Variants in APPL2 observed in about 807,000 individuals in gnomAD.
The protein encoded by APPL2 is adaptor protein, phosphotyrosine interacting with PH domain and leucine zipper 2, also known as DCC-interacting protein 13-beta.
APPL2 carries 84 observed loss-of-function variants against 92.7 expected under a neutral mutation model. That is an observed-to-expected ratio of 0.91 (90% CI 0.76 to 1.09). The LOEUF (loss-of-function observed/expected upper bound fraction) is 1.09. Among genes scored for constraint, APPL2 ranks in the 50% least tolerant of loss-of-function variants. APPL2 has a pLI of 0.00. For missense variants in APPL2, 736 were observed against 824.5 expected, an observed-to-expected ratio of 0.89 and a Z score of 1.31; for synonymous variants, 291 against 291.0, an observed-to-expected ratio of 1.00 and a Z score of 0.00.
intron 6 of APPL2, 22 bp from the exon 7 acceptor site, chr12:105,208,051 AAC>A: frequency 6.2e-7 from 1 of 1,614,074 alleles, no homozygotes; most frequent in Non-Finnish European, 8.5e-7. Flanking sequence ...CAGACATCTG[AAC>A]ACCCAGGAGG....
intron 10 of APPL2, among the ~76,000 whole-genome samples, chr12:105,198,747 G>T (rs769636813): frequency 6.6e-6 from 1 of 152,188 alleles, no homozygotes; most frequent in Non-Finnish European, 1.5e-5. Flanking sequence ...ATCTAACTTC[G>T]TAAAGCAGGT....
At chr12:105,196,409 T>C (rs945179627) in intron 11 of APPL2, among the ~76,000 whole-genome samples, 2 of 148,888 alleles carry the variant, frequency 1.3e-5, no homozygotes, top group African/African-American at 2.5e-5. Context: ...GCCCTACCTT[T>C]GTGGAGGCGT....
chr12:105,236,142 GCGTC>G lies in APPL2; in HGVS notation c.-134_-131del. The G allele has an allele frequency of 2.6e-6, 1 of 390,532 alleles. No individual in the cohort carries two copies. The highest frequency in any genetic ancestry group is 3.5e-6 in the Non-Finnish European group (1 of 286,768). 24.2% of individuals were successfully genotyped at this position (390,532 alleles called of 1,614,324 possible). On this transcript the variant is annotated 5_prime_UTR_variant, in exon 1 of 21. Transcript: ENST00000258530. ...CTCCGTGCCCGCGGCGGCCCCGCGC[GCGTC>G]CACGCCTGGCCAGTGGCCGCCGCCG...
At chr12:105,203,332 T>C in intron 9 of APPL2, 1 of 202,122 alleles carries the variant, frequency 4.9e-6, no homozygotes, top group East Asian at 1.2e-4. Context: ...CTCCTTTACC[T>C]ATTATAAATT....
At chr12:105,208,905 C>G (rs1432878528) in intron 5 of APPL2, among the ~76,000 whole-genome samples, 1 of 152,200 alleles carries the variant, frequency 6.6e-6, no homozygotes, top group Non-Finnish European at 1.5e-5. Flanking sequence ...CTACAACAAT[C>G]CATTTTCATT....
chr12:105,189,915 TTGG>T, intron 15 of APPL2, 73 bp downstream of exon 15: 1 of 1,611,066 alleles, frequency 6.2e-7, no homozygotes, highest in Non-Finnish European at 8.5e-7. Context: ...GCAACAGTCT[TTGG>T]TGGTGGAGGG....
At chr12:105,233,614 T>C (rs1333952532) in intron 1 of APPL2, among the ~76,000 whole-genome samples, 2 of 152,256 alleles carry the variant, frequency 1.3e-5, no homozygotes, top group African/African-American at 4.8e-5. Context: ...AGATGGTTTA[T>C]TAGGATCTTT....
chr12:105,191,709 C>T (rs191273552), intron 14 of APPL2, among the ~76,000 whole-genome samples: 39 of 152,304 alleles, frequency 2.6e-4, no homozygotes, highest in African/African-American at 8.7e-4. Flanking sequence ...ATGGACACTT[C>T]GCAGTCATCA....
intron 10 of APPL2, among the ~76,000 whole-genome samples, chr12:105,198,377 C>T (rs962447519): frequency 6.6e-6 from 1 of 152,198 alleles, no homozygotes; most frequent in African/African-American, 2.4e-5. Flanking sequence ...TCTCAACAGA[C>T]TGGATTTTGC....
intron 1 of APPL2, among the ~76,000 whole-genome samples, chr12:105,231,992 C>T (rs372127337): frequency 6.6e-6 from 1 of 152,142 alleles, no homozygotes; most frequent in East Asian, 1.9e-4. Context: ...CAAAATCCCA[C>T]GGTCAGAAAG....
intron 3 of APPL2, 93 bp from the exon 4 acceptor site, chr12:105,217,233 C>A: frequency 1.3e-6 from 1 of 767,434 alleles, no homozygotes; most frequent in South Asian, 1.8e-5. Flanking sequence ...TCCACACCGA[C>A]GTCCTTTCTT....
intron 4 of APPL2, among the ~76,000 whole-genome samples, chr12:105,214,964 G>A (rs1432441826): frequency 1.3e-5 from 2 of 152,206 alleles, no homozygotes; most frequent in Non-Finnish European, 2.9e-5. Flanking sequence ...AGCCCAGAGG[G>A]GTGACGTCCC....
At chr12:105,217,764 A>G (rs1889807056) in intron 2 of APPL2, 39 bp from the exon 3 acceptor site, 1 of 1,590,300 alleles carries the variant, frequency 6.3e-7, no homozygotes, top group South Asian at 1.1e-5. Flanking sequence ...GATTAGTCCA[A>G]TGTATACATA....
chr12:105,184,561 T>C (rs906629880), intron 17 of APPL2, among the ~76,000 whole-genome samples: 2 of 152,178 alleles, frequency 1.3e-5, no homozygotes, highest in African/African-American at 2.4e-5. Context: ...CGGACTCTCT[T>C]TGCCTGGGTA....
intron 2 of APPL2, among the ~76,000 whole-genome samples, chr12:105,221,614 AG>A (rs1257173742): frequency 6.6e-6 from 1 of 152,226 alleles, no homozygotes; most frequent in Non-Finnish European, 1.5e-5. Flanking sequence ...GTGGTAGAAG[AG>A]CAAAAGACGT....
chr12:105,184,965 G>GA (rs1886463379), intron 17 of APPL2, among the ~76,000 whole-genome samples: 1 of 152,194 alleles, frequency 6.6e-6, no homozygotes, highest in Non-Finnish European at 1.5e-5. Flanking sequence ...CAGAGAGGAG[G>GA]AATCTAGAGA....
intron 1 of APPL2, 22 bp from the exon 2 acceptor site, chr12:105,229,245 G>A: frequency 1.3e-6 from 2 of 1,597,944 alleles, no homozygotes. Context: ...GAAGAAAAAA[G>A]GTCAATTTCA....
chr12:105,200,959 A>G (rs1888150514), intron 9 of APPL2, among the ~76,000 whole-genome samples: 2 of 152,072 alleles, frequency 1.3e-5, no homozygotes, highest in Admixed American at 6.6e-5. Context: ...CCCAGGCTGG[A>G]GTGCAGTGGC....
chr12:105,206,781 G>C (rs776997983), intron 8 of APPL2: 15 of 287,358 alleles, frequency 5.2e-5, no homozygotes, highest in Non-Finnish European at 9.7e-5. Flanking sequence ...GCTTTCATTC[G>C]GATTAGAAAA....
Sources: allele counts gnomAD v4.1 joint callset (sites outside exome capture counted in the v4.1 genomes callset), GRCh38; gene constraint gnomAD v4.1.1; transcripts MANE v1.5; gene names NCBI Gene and HGNC (gene_info 2026-07-23, HGNC 2026-07-21).